Variants in RIPOR2 observed in about 807,000 individuals in gnomAD.
RIPOR2 encodes rho family-interacting cell polarization regulator 2.
RIPOR2 carries 39 observed loss-of-function variants against 114.5 expected under a neutral mutation model. The ratio of observed to expected loss-of-function variants is 0.34; its 90% CI spans 0.26 to 0.44. The LOEUF is 0.44. Ranked by LOEUF, RIPOR2 falls within the 20% of genes least tolerant of loss-of-function variation. The pLI is 1.00. For missense variants in RIPOR2, 1,007 were observed against 1,255.1 expected, an observed-to-expected ratio of 0.80 and a Z score of 2.99; for synonymous variants, 445 against 484.4, an observed-to-expected ratio of 0.92 and a Z score of 1.07.
intron 1 of RIPOR2, among the ~76,000 whole-genome samples, chr6:24,893,771 T>A (rs1562321862): frequency 6.6e-6 from 1 of 152,202 alleles, no homozygotes; most frequent in Non-Finnish European, 1.5e-5. Context: ...GAGAATCGTG[T>A]TGTCAGGGAA....
At chr6:24,984,776 A>G (rs1774464364) in intron 1 of RIPOR2, among the ~76,000 whole-genome samples, 1 of 152,234 alleles carries the variant, frequency 6.6e-6, no homozygotes, top group Non-Finnish European at 1.5e-5. Flanking sequence ...GATTTAGGAA[A>G]TATCATCAGC....
At chr6:24,992,592 T>A (rs1406962181) in intron 1 of RIPOR2, among the ~76,000 whole-genome samples, 2 of 152,158 alleles carry the variant, frequency 1.3e-5, no homozygotes, top group African/African-American at 4.8e-5. Flanking sequence ...AGAAAAAATC[T>A]CATGCTTATG....
chr6:24,852,784 C>G (rs1763094256), intron 8 of RIPOR2, among the ~76,000 whole-genome samples, 166 bp from the exon 9 acceptor site: 1 of 152,138 alleles, frequency 6.6e-6, no homozygotes, highest in South Asian at 2.1e-4. Flanking sequence ...GGGGGAGTTC[C>G]TTCTATCACA....
chr6:24,848,945 C>T (rs919992602), intron 11 of RIPOR2, among the ~76,000 whole-genome samples: 2 of 152,148 alleles, frequency 1.3e-5, no homozygotes, highest in Admixed American at 6.5e-5. Context: ...GCTCTTGTTG[C>T]CCAGGCTGGA....
intron 1 of RIPOR2, among the ~76,000 whole-genome samples, chr6:24,999,532 G>A (rs1775200423): frequency 6.7e-6 from 1 of 149,136 alleles, no homozygotes. Flanking sequence ...ACAAATCTCT[G>A]TACTTTCACT....
At position 24,965,792 on chromosome 6, in the gene RIPOR2, A is replaced by C. The variant is rs72839976; in HGVS notation, c.76+76059T>G. ...TTATTATAATGAAAACACTATTTTT[A>C]TTTACACCTAAGTCTAGAAATTGAA... is the stretch of plus-strand genomic sequence containing the variant. On this transcript the variant is annotated intron_variant, in intron 1 of 13. Coordinates refer to the RIPOR2 transcript ENST00000510784. Among the ~76,000 whole-genome samples, 123 of 152,360 alleles carry C rather than the reference A, an allele frequency of 8.1e-4. 1 individual carries two copies. The highest frequency in any genetic ancestry group is 9.6e-4 in the Non-Finnish European group (65 of 68,022).
chr6:24,839,325 C>A, intron 13 of RIPOR2, 53 bp from the exon 14 acceptor site: 1 of 1,499,720 alleles, frequency 6.7e-7, no homozygotes, highest in African/African-American at 1.4e-5. Context: ...GAAAGAGAAA[C>A]CAGACACACG....
At chr6:24,807,293 C>G (rs4397217) in intron 21 of RIPOR2, among the ~76,000 whole-genome samples, 47,024 of 151,970 alleles carry the variant, frequency 0.31, 8,116 homozygotes, top group East Asian at 0.68. Context: ...ACAGTGAAAC[C>G]CCATCTCTAC....
Position 24,858,514 on chromosome 6 carries a change from C to G in RIPOR2, c.715+2459G>C, listed in dbSNP as rs900818933. 6.6e-6 allele frequency among the ~76,000 whole-genome samples: 1 copy of G among 152,152 alleles called. No homozygotes were observed. The highest frequency in any genetic ancestry group is 2.4e-5 in the African/African-American group (1 of 41,418). ...TTGCAAAGACAATAGGATTTCTTGG[C>G]AGCATGAGGTTTCCCTTTCTCTTTA... On this transcript the variant is annotated intron_variant, in intron 8 of 21. Coordinates refer to ENST00000643898, the MANE Select transcript of RIPOR2 (RefSeq NM_001286445.3). This position sits in a 1 kb window ranked among gnomAD's most constrained non-coding sequence, Gnocchi z 4.0.
intron 18 of RIPOR2, among the ~76,000 whole-genome samples, chr6:24,826,861 G>A (rs1581503121): frequency 1.3e-5 from 2 of 151,512 alleles, no homozygotes; most frequent in South Asian, 4.2e-4. Flanking sequence ...AAAAGTAAGA[G>A]GAGAGATTGG....
At chr6:25,036,830 C>G (rs969850169) in intron 1 of RIPOR2, among the ~76,000 whole-genome samples, 1 of 152,190 alleles carries the variant, frequency 6.6e-6, no homozygotes, top group East Asian at 1.9e-4. Context: ...AGGAGTCACA[C>G]CCCTAGGGGC....
At position 24,843,144 on chromosome 6, in the gene RIPOR2, C is replaced by T; in HGVS notation, c.1575G>A (p.Glu525=). 6.2e-7 allele frequency: 1 copy of T among 1,613,978 alleles called. No individual in the cohort carries two copies. Residue 525 remains glutamate, a synonymous_variant, in exon 13 of 22, where the codon GAG becomes GAA. Transcript: ENST00000643898. ...DVAEALLQES[E]EASELKPVEL... ...CCACAGGCTTGAGCTCAGAGGCCTCCTCAGACTCTTGCAGAAGTGCTTCTG... is the reference window on the plus strand; with the variant it reads ...CCACAGGCTTGAGCTCAGAGGCCTCTTCAGACTCTTGCAGAAGTGCTTCTG...
chr6:25,000,397 C>T (rs930830976), intron 1 of RIPOR2, among the ~76,000 whole-genome samples: 2 of 152,144 alleles, frequency 1.3e-5, no homozygotes, highest in Non-Finnish European at 1.5e-5. Context: ...GGGAGTGTAT[C>T]CTGTGCACTG....
At chr6:24,862,477 T>G (rs1047846103) in intron 7 of RIPOR2, among the ~76,000 whole-genome samples, 1 of 152,198 alleles carries the variant, frequency 6.6e-6, no homozygotes, top group African/African-American at 2.4e-5. Context: ...CTGCTCCAAA[T>G]GATCACTCTC....
chr6:24,915,320 GCTGCT>G (rs1769986241), intron 1 of RIPOR2, among the ~76,000 whole-genome samples: 1 of 150,322 alleles, frequency 6.7e-6, no homozygotes, highest in East Asian at 1.9e-4. Context: ...TTCTTCATTT[GCTGCT>G]CTGACCAATC....
At chr6:24,954,456 C>CTTTTTTTTTTT (rs10667748) in intron 1 of RIPOR2, among the ~76,000 whole-genome samples, 1 of 132,390 alleles carries the variant, frequency 7.6e-6, no homozygotes, top group Admixed American at 8.2e-5. Flanking sequence ...TCTCTCTCTC[C>CTTTTTTTTTTT]TTTTTTTTTT....
At chr6:24,965,873 C>T (rs554519131) in intron 1 of RIPOR2, among the ~76,000 whole-genome samples, 81 of 152,278 alleles carry the variant, frequency 5.3e-4, no homozygotes, top group African/African-American at 1.9e-3. Flanking sequence ...AACTTTCAAA[C>T]GTACTCATCA....
At chr6:25,004,737 TTTTTGTTTTG>T (rs992292189) in intron 1 of RIPOR2, among the ~76,000 whole-genome samples, 1 of 152,206 alleles carries the variant, frequency 6.6e-6, no homozygotes, top group African/African-American at 2.4e-5. Context: ...CCATGCCATT[TTTTTGTTTTG>T]TTTTGTTTTG....
At chr6:24,842,758 A>G in intron 13 of RIPOR2, 104 bp downstream of exon 13, 1 of 548,706 alleles carries the variant, frequency 1.8e-6, no homozygotes, top group Non-Finnish European at 2.9e-6. Flanking sequence ...TAATCCTGTG[A>G]TTGGACAGGA....
Sources: gnomAD v4.1 joint callset for allele counts (sites outside exome capture counted in the v4.1 genomes callset) on GRCh38, gnomAD v4.1.1 for gene constraint, Gnocchi (gnomAD v3.1) non-coding constraint, MANE v1.5 for transcripts, NCBI Gene and HGNC (gene_info 2026-07-23, HGNC 2026-07-21) for gene names.